The following PLCE1 variants were observed in gnomAD, a reference collection of about 807,000 sequenced individuals.
PLCE1 encodes phospholipase C epsilon 1, also known as 1-phosphatidylinositol 4,5-bisphosphate phosphodiesterase epsilon-1.
Under a neutral mutation model 242.8 loss-of-function variants are expected in PLCE1, and 119 were observed. That is an observed-to-expected ratio of 0.49 (90% CI 0.42 to 0.57). PLCE1 has a LOEUF of 0.57. PLCE1 is among the 20% of genes least tolerant of loss of function. The pLI is 0.00. For missense variants in PLCE1, 2,441 were observed against 2,788.8 expected, an observed-to-expected ratio of 0.88 and a Z score of 2.81; for synonymous variants, 945 against 1,017.4, an observed-to-expected ratio of 0.93 and a Z score of 1.35.
intron 1 of PLCE1, among the ~76,000 whole-genome samples, chr10:94,022,998 G>T (rs147124026): frequency 0.021 from 3,163 of 152,206 alleles, 43 homozygotes; most frequent in South Asian, 0.059. Flanking sequence ...TTCTTCAGGG[G>T]CTCTCAATCT....
At chr10:94,033,922 C>T (rs2061612787) in intron 2 of PLCE1, among the ~76,000 whole-genome samples, 1 of 152,066 alleles carries the variant, frequency 6.6e-6, no homozygotes, top group Non-Finnish European at 1.5e-5. Context: ...TCATCATCAT[C>T]ATCATTGTAT....
Position 93,994,167 on chromosome 10 carries a change from A to G in PLCE1, c.-456A>G, listed in dbSNP as rs1201288328. Among the ~76,000 whole-genome samples, 1 of 151,920 alleles carries G rather than the reference A, an allele frequency of 6.6e-6. No individual in the cohort carries two copies. Among genetic ancestry groups the G allele is most frequent in the Non-Finnish European group, 1.5e-5 (1 of 67,938 alleles). ...GCAGCTGACACACAGTAGCGGGGAC[A>G]CCCGACGCCGCTAGCGACAGGCGCG... is the stretch of plus-strand genomic sequence containing the variant. On this transcript the variant is annotated 5_prime_UTR_variant, in exon 1 of 33. Transcript: ENST00000371380.
Position 94,246,196 on chromosome 10 carries a change from T to A in PLCE1, c.2671T>A (p.Leu891Met). ...CCAGCTTCAGCCCGACAATAGCACC[T>A]TGACCTGGGTAAAGCCCACAACTGC... ...FLQLQPDNST[L>M]TWVKPTTASP... The change falls in exon 8 of 33, where the codon TTG becomes ATG. Residue 891 changes from leucine to methionine, a missense_variant. Leu to Met is a conservative substitution (Grantham distance 15). This residue lies in a region of PLCE1 where 733 missense variants were observed against 754.2 expected (regional missense o/e 0.97). Transcript: ENST00000371380. 6.2e-7 allele frequency: 1 copy of A among 1,614,110 alleles called. No homozygotes were observed.
At chr10:94,160,164 T>A (rs959173366) in intron 3 of PLCE1, among the ~76,000 whole-genome samples, 11 of 152,188 alleles carry the variant, frequency 7.2e-5, no homozygotes, top group African/African-American at 2.7e-4. Context: ...AAATGGTATT[T>A]CTAGTTCTAG....
At chr10:94,255,902 ACACACACACACACT>A (rs1274021093) in intron 11 of PLCE1, among the ~76,000 whole-genome samples, 2 of 97,800 alleles carry the variant, frequency 2.0e-5, no homozygotes, top group East Asian at 3.2e-4. Flanking sequence ...ACACACACAC[ACACACACACACACT>A]CTCTCTCTCT....
intron 20 of PLCE1, among the ~76,000 whole-genome samples, chr10:94,282,910 A>T (rs939450174): frequency 6.6e-6 from 1 of 152,148 alleles, no homozygotes; most frequent in African/African-American, 2.4e-5. Flanking sequence ...CCCGGTTAGC[A>T]TGACGTTGTG....
At position 94,032,156 on chromosome 10, in the gene PLCE1, T is replaced by A; in HGVS notation, c.1110T>A (p.Gly370=). 1.2e-6 allele frequency: 2 copies of A among 1,609,574 alleles called. No individual in the cohort carries two copies. Among genetic ancestry groups the A allele is most frequent in the Non-Finnish European group, 1.7e-6 (2 of 1,178,786 alleles). Residue 370 remains glycine, a synonymous_variant, in exon 2 of 33, where the codon GGT becomes GGA. Coordinates refer to ENST00000371380, the MANE Select transcript of PLCE1 (RefSeq NM_016341.4). ...AWSYIDQKRN[G]PLLPCGRVME... ...GTTACATAGATCAGAAGAGAAATGG[T>A]CCCTTACTGCCTTGTGGGAGAGTAA...
chr10:94,130,780 A>C (rs1255260485), intron 2 of PLCE1, among the ~76,000 whole-genome samples: 1 of 152,238 alleles, frequency 6.6e-6, no homozygotes. Flanking sequence ...TTTGAATATC[A>C]TAGGACTCGG....
chr10:94,115,036 A>G (rs2046078999), intron 2 of PLCE1, among the ~76,000 whole-genome samples: 1 of 150,528 alleles, frequency 6.6e-6, no homozygotes. Context: ...TTTGTCCTTG[A>G]GATAGTTTGT....
In PLCE1 at chr10:94,030,999, C is replaced by G. The variant is rs554052819; in HGVS notation, c.-48C>G. 3.6e-5 allele frequency: 57 copies of G among 1,599,898 alleles called. No homozygotes were observed. In the East Asian group the frequency reaches 1.2e-3, roughly 34 times the overall value. On this transcript the variant is annotated 5_prime_UTR_variant, in exon 2 of 33. Transcript: ENST00000371380. ...TTTATTAAAACCTTGACATGATCAC[C>G]AGGGAGGAAAAATAGAGCAATAGTC...
At chr10:94,012,979 A>G (rs4359134) in intron 1 of PLCE1, among the ~76,000 whole-genome samples, 79,739 of 151,902 alleles carry the variant, frequency 0.52, 21,533 homozygotes, top group East Asian at 0.75. Context: ...CTGTCTCCCC[A>G]ACTCCACTGT....
At chr10:93,998,341 C>T (rs530531117) in intron 1 of PLCE1, among the ~76,000 whole-genome samples, 41 of 152,228 alleles carry the variant, frequency 2.7e-4, no homozygotes, top group African/African-American at 9.4e-4. Context: ...CTGCAGGACC[C>T]CCTGTCTCTT....
At chr10:94,292,424 C>G (rs2052674224) in intron 22 of PLCE1, among the ~76,000 whole-genome samples, 2 of 152,162 alleles carry the variant, frequency 1.3e-5, no homozygotes, top group Admixed American at 1.3e-4. Context: ...GAGTATGATA[C>G]AAATATTCCA....
At chr10:94,106,144 T>C (rs183472703) in intron 2 of PLCE1, 14 of 152,234 alleles carry the variant, frequency 9.2e-5, no homozygotes, top group African/African-American at 3.1e-4. Context: ...TATTTTTAGT[T>C]ATAAACTTCA....
Position 94,234,107 on chromosome 10 carries a change from C to A in PLCE1, c.2009C>A (p.Thr670Asn), listed in dbSNP as rs1313577956. The change falls in exon 6 of 33, where the codon ACC becomes AAC. Residue 670 changes from threonine to asparagine, a missense_variant. Transcript: ENST00000371380. ...WQFMDQSDIE[T>N]MRSLKDAMAQ... Reference sequence around the variant, plus strand: ...TTCATGGACCAGTCTGATATTGAGACCATGAGGAGCCTGAAGGATGCTATG... The same window carrying A: ...TTCATGGACCAGTCTGATATTGAGAACATGAGGAGCCTGAAGGATGCTATG... 1 of 1,613,780 alleles carries A rather than the reference C, an allele frequency of 6.2e-7. No individual in the cohort carries two copies. Among genetic ancestry groups the A allele is most frequent in the South Asian group, 1.1e-5 (1 of 91,062 alleles).
intron 2 of PLCE1, among the ~76,000 whole-genome samples, chr10:94,122,695 G>A (rs544632278): frequency 8.1e-4 from 123 of 152,318 alleles, no homozygotes; most frequent in African/African-American, 2.7e-3. Context: ...GGACGTAAGT[G>A]CTTGTCAGAT....
At chr10:94,171,113 C>T in intron 3 of PLCE1, 67 bp from the exon 4 acceptor site, 1 of 1,274,954 alleles carries the variant, frequency 7.8e-7, no homozygotes. Flanking sequence ...GAATGGCTCT[C>T]AAGTAAATAT....
Position 94,332,548 on chromosome 10 carries a change from T to TG in PLCE1, c.*4605_*4606insG. The TG allele has an allele frequency of 6.9e-6, 1 of 143,922 alleles. No individual in the cohort carries two copies. Among genetic ancestry groups the TG allele is most frequent in the Non-Finnish European group, 1.5e-5 (1 of 65,572 alleles). The allele number at this position is 143,922 out of a possible 1,614,324, so 8.9% of individuals were successfully genotyped here. A position where few individuals can be genotyped will look rare whatever the true frequency, so the allele number is the denominator to read the frequency against. On this transcript the variant is annotated 3_prime_UTR_variant, in exon 33 of 33. Transcript: ENST00000371380. ...GTGTGTGTGTGTGTGTGTGTGTGTG[T>TG]TTAAACATAAGCTTACATATAAGCG...
At chr10:94,308,510 C>A in intron 26 of PLCE1, 71 bp from the exon 27 acceptor site, 1 of 1,071,582 alleles carries the variant, frequency 9.3e-7, no homozygotes, top group Non-Finnish European at 1.4e-6. Context: ...CTGTCATTTG[C>A]CGACTTCCAG....
Sources: allele counts gnomAD v4.1 joint callset (sites outside exome capture counted in the v4.1 genomes callset), GRCh38; gene constraint gnomAD v4.1.1; regional missense constraint gnomAD v4.1.1; transcripts MANE v1.5; gene names NCBI Gene and HGNC (gene_info 2026-07-23, HGNC 2026-07-21).